Variants in LMAN2L observed in about 807,000 individuals in gnomAD.
LMAN2L encodes the protein VIP36-like protein.
A neutral mutation model predicts 44.3 loss-of-function variants in LMAN2L; 30 were observed. The ratio of observed to expected loss-of-function variants is 0.68; its 90% CI spans 0.51 to 0.92. LMAN2L has a LOEUF of 0.92. Among genes scored for constraint, LMAN2L ranks in the 40% least tolerant of loss-of-function variants. LMAN2L has a pLI of 0.00. For missense variants in LMAN2L, 429 were observed against 446.1 expected (o/e 0.96, Z 0.35); for synonymous variants, 183 against 171.1 (o/e 1.07, Z -0.54).
chr2:96,717,536 A>G lies in LMAN2L; in HGVS notation c.508-5511T>C, dbSNP rs1407141812. Among the ~76,000 whole-genome samples, 4 of 91,712 alleles carry G rather than the reference A, an allele frequency of 4.4e-5. No homozygotes were observed. In the East Asian group the frequency reaches 9.9e-4, roughly 23 times the overall value. The allele number at this position is 91,712 out of a possible 152,430, so 60.2% of individuals were successfully genotyped here. A position where few individuals can be genotyped will look rare whatever the true frequency, so the allele number is the denominator to read the frequency against. ...GACAAAACCAAACCCTGTGTCGGAAAAAAAAAAAAAAAAAAAAGGACGGCC... is the reference window on the plus strand; with the variant it reads ...GACAAAACCAAACCCTGTGTCGGAAGAAAAAAAAAAAAAAAAAGGACGGCC... On this transcript the variant is annotated intron_variant, in intron 4 of 7. Coordinates refer to ENST00000264963, the MANE Select transcript of LMAN2L (RefSeq NM_030805.4).
At chr2:96,726,205 T>C (rs2078268326) in intron 4 of LMAN2L, among the ~76,000 whole-genome samples, 1 of 151,784 alleles carries the variant, frequency 6.6e-6, no homozygotes, top group South Asian at 2.1e-4. Context: ...TATAATATTT[T>C]TGCATACTGA....
chr2:96,717,530 T>TC, intron 4 of LMAN2L, among the ~76,000 whole-genome samples: 1 of 104,016 alleles, frequency 9.6e-6, no homozygotes, highest in East Asian at 2.6e-4. Context: ...AAACCCTGTG[T>TC]CGGAAAAAAA....
At chr2:96,717,929 T>G (rs2078074029) in intron 4 of LMAN2L, among the ~76,000 whole-genome samples, 1 of 152,112 alleles carries the variant, frequency 6.6e-6, no homozygotes, top group Non-Finnish European at 1.5e-5. Context: ...CAAAATTCTC[T>G]TGTTATATTT....
chr2:96,719,437 A>G lies in LMAN2L; in HGVS notation c.508-7412T>C, dbSNP rs557330205. 7.2e-5 allele frequency among the ~76,000 whole-genome samples: 11 copies of G among 152,190 alleles called. No homozygotes were observed. The South Asian group carries it at 2.3e-3, about 32-fold the overall frequency. On this transcript the variant is annotated intron_variant, in intron 4 of 7. Transcript: ENST00000264963. ...ACAGTAAAGAGACCACTTTGGGATC[A>G]GTGTCTTCATCAAGACAAAGACTTA...
At chr2:96,723,614 T>G (rs2078205047) in intron 4 of LMAN2L, among the ~76,000 whole-genome samples, 1 of 152,190 alleles carries the variant, frequency 6.6e-6, no homozygotes, top group Admixed American at 6.5e-5. Context: ...TCAAGAAGAA[T>G]CAATCCGATA....
At chr2:96,722,696 T>C (rs1353419166) in intron 4 of LMAN2L, among the ~76,000 whole-genome samples, 11 of 152,250 alleles carry the variant, frequency 7.2e-5, no homozygotes, top group African/African-American at 2.7e-4. Flanking sequence ...TTGGCTATTA[T>C]GAATAATGCT....
At chr2:96,720,693 T>G (rs1237154529) in intron 4 of LMAN2L, among the ~76,000 whole-genome samples, 1 of 152,030 alleles carries the variant, frequency 6.6e-6, no homozygotes, top group Non-Finnish European at 1.5e-5. Context: ...GTAATCCCAG[T>G]GCTTTGGGAG....
intron 4 of LMAN2L, among the ~76,000 whole-genome samples, chr2:96,712,881 T>C (rs1432343119): frequency 2.0e-5 from 3 of 152,214 alleles, no homozygotes; most frequent in Non-Finnish European, 4.4e-5. Context: ...GCCAAGGCAG[T>C]GCAAAAAGGC....
chr2:96,739,339 T>C (rs1399540931), intron 1 of LMAN2L, among the ~76,000 whole-genome samples: 2 of 152,254 alleles, frequency 1.3e-5, no homozygotes, highest in Admixed American at 1.3e-4. Flanking sequence ...ATTAATTTTC[T>C]GGCTGATAAG....
intron 4 of LMAN2L, among the ~76,000 whole-genome samples, chr2:96,723,023 A>C (rs2153327884): frequency 6.6e-6 from 1 of 152,320 alleles, no homozygotes; most frequent in South Asian, 2.1e-4. Flanking sequence ...CCATCTCAAA[A>C]AAAAAAAAGT....
intron 4 of LMAN2L, among the ~76,000 whole-genome samples, chr2:96,713,653 A>G (rs950486161): frequency 6.6e-6 from 1 of 152,194 alleles, no homozygotes; most frequent in South Asian, 2.1e-4. Flanking sequence ...CCTGCCCAGA[A>G]GACCAAAATC....
At chr2:96,723,703 G>C (rs1451735416) in intron 4 of LMAN2L, among the ~76,000 whole-genome samples, 1 of 151,888 alleles carries the variant, frequency 6.6e-6, no homozygotes, top group Non-Finnish European at 1.5e-5. Context: ...TTTTCTGTGT[G>C]GTGTGAAATA....
chr2:96,707,052 G>C lies in LMAN2L; in HGVS notation c.*204C>G. ...ATCACAGCAGCATTGCCCTGGGGTG[G>C]GTGGCTTCCCAGACCAGAGTTAGAT... On this transcript the variant is annotated 3_prime_UTR_variant, in exon 8 of 8. Coordinates refer to ENST00000264963, the MANE Select transcript of LMAN2L (RefSeq NM_030805.4). The C allele has an allele frequency of 2.1e-6, 1 of 468,554 alleles. No individual in the cohort carries two copies. Among genetic ancestry groups the C allele is most frequent in the Middle Eastern group, 5.6e-4 (1 of 1,778 alleles). 29.0% of individuals were successfully genotyped at this position (468,554 alleles called of 1,614,324 possible).
At chr2:96,737,266 T>C (rs964809692) in intron 2 of LMAN2L, 5 of 405,166 alleles carry the variant, frequency 1.2e-5, no homozygotes, top group African/African-American at 1.1e-4. Flanking sequence ...CAGCTCAGAG[T>C]GGCTTTCACA....
intron 4 of LMAN2L, among the ~76,000 whole-genome samples, chr2:96,716,277 G>A (rs2078038850): frequency 6.6e-6 from 1 of 152,162 alleles, no homozygotes; most frequent in African/African-American, 2.4e-5. Context: ...AACACCAAAA[G>A]ATGAGAGAGA....
At chr2:96,730,591 A>G (rs1452733889) in intron 4 of LMAN2L, among the ~76,000 whole-genome samples, 2 of 152,222 alleles carry the variant, frequency 1.3e-5, no homozygotes, top group Admixed American at 6.5e-5. Context: ...ACTGTGCAAC[A>G]TAACAAGACT....
intron 4 of LMAN2L, among the ~76,000 whole-genome samples, chr2:96,719,775 T>C (rs1379444694): frequency 6.6e-6 from 1 of 152,182 alleles, no homozygotes; most frequent in East Asian, 1.9e-4. Context: ...TGTATTCTTA[T>C]TAGAGACAGG....
chr2:96,732,756 TCA>T (rs767589372), intron 4 of LMAN2L, among the ~76,000 whole-genome samples: 7 of 151,498 alleles, frequency 4.6e-5, no homozygotes, highest in Non-Finnish European at 7.4e-5. Context: ...TGGGCTTTCA[TCA>T]GTTTCCTTCT....
In LMAN2L at chr2:96,707,095, T is replaced by C; in HGVS notation, c.*161A>G. On this transcript the variant is annotated 3_prime_UTR_variant, in exon 8 of 8. Coordinates refer to ENST00000264963, the MANE Select transcript of LMAN2L (RefSeq NM_030805.4). ...AGTTAGATGTCCCCATGCACAACCA[T>C]GGGAATGCGGGGTCCCTGCATTCAA... The C allele has an allele frequency of 4.6e-6, 3 of 646,158 alleles. No homozygotes were observed. Among genetic ancestry groups the C allele is most frequent in the Non-Finnish European group, 7.6e-6 (3 of 397,076 alleles). 40.0% of individuals were successfully genotyped at this position (646,158 alleles called of 1,614,324 possible).
Sources: gnomAD v4.1 joint callset for allele counts (sites outside exome capture counted in the v4.1 genomes callset) on GRCh38, gnomAD v4.1.1 for gene constraint, MANE v1.5 for transcripts, NCBI Gene and HGNC (gene_info 2026-07-23, HGNC 2026-07-21) for gene names.